The following ZFHX4 variants were observed in gnomAD, a reference collection of about 807,000 sequenced individuals.
ZFHX4 encodes the protein zinc finger homeobox 4.
ZFHX4 carries 56 observed loss-of-function variants against 267.6 expected under a neutral mutation model. The ratio of observed to expected loss-of-function variants is 0.21; its 90% confidence interval spans 0.17 to 0.26. The LOEUF (loss-of-function observed/expected upper bound fraction) is 0.26. Ranked by LOEUF, ZFHX4 falls within the 10% of genes least tolerant of loss-of-function variation. The pLI is 1.00. For synonymous variants in ZFHX4, 1,778 were observed against 1,665.6 expected (o/e 1.07, Z -1.64); for missense variants, 4,332 against 4,420.0 (o/e 0.98, Z 0.56).
At chr8:76,835,985 TCTC>T (rs1812082666) in intron 5 of ZFHX4, among the ~76,000 whole-genome samples, 1 of 152,244 alleles carries the variant, frequency 6.6e-6, no homozygotes, top group South Asian at 2.1e-4. Flanking sequence ...AACTACTTGT[TCTC>T]CTCTTTTCTC....
At chr8:76,702,760 T>G (rs1415745144) in intron 1 of ZFHX4, among the ~76,000 whole-genome samples, 1 of 152,190 alleles carries the variant, frequency 6.6e-6, no homozygotes, top group African/African-American at 2.4e-5. Flanking sequence ...ACTCTTCAAA[T>G]TTAAGATTTG....
chr8:76,718,088 A>G (rs1808626415), intron 3 of ZFHX4, among the ~76,000 whole-genome samples: 1 of 152,348 alleles, frequency 6.6e-6, no homozygotes, highest in African/African-American at 2.4e-5. Context: ...TCAATTTACA[A>G]GACATCTCCT....
intron 4 of ZFHX4, among the ~76,000 whole-genome samples, chr8:76,779,322 A>G (rs1303436721): frequency 6.6e-6 from 1 of 152,042 alleles, no homozygotes; most frequent in East Asian, 1.9e-4. Context: ...CAGGAGACAT[A>G]TTTACTCAGT....
intron 4 of ZFHX4, among the ~76,000 whole-genome samples, chr8:76,779,282 T>G (rs1199726807): frequency 1.3e-5 from 2 of 152,216 alleles, no homozygotes; most frequent in Admixed American, 6.5e-5. Context: ...TTCTTCCTTT[T>G]GGCAAACCTA....
chr8:76,690,174 T>G (rs1807788455), intron 1 of ZFHX4, among the ~76,000 whole-genome samples: 2 of 152,072 alleles, frequency 1.3e-5, no homozygotes, highest in Admixed American at 1.3e-4. Flanking sequence ...TTCATTGTGT[T>G]CTAGCTATAA....
chr8:76,713,894 A>G (rs1346304749), intron 3 of ZFHX4, among the ~76,000 whole-genome samples: 2 of 151,910 alleles, frequency 1.3e-5, no homozygotes, highest in East Asian at 1.9e-4. Flanking sequence ...CTGAACACAC[A>G]CACACACACA....
intron 3 of ZFHX4, among the ~76,000 whole-genome samples, chr8:76,777,864 T>TTG (rs1554562349): frequency 7.3e-5 from 11 of 151,558 alleles, no homozygotes; most frequent in African/African-American, 2.4e-4. Context: ...TTGTTTTTTT[T>TTG]TTTGTTTGTT....
intron 1 of ZFHX4, among the ~76,000 whole-genome samples, chr8:76,697,726 A>G (rs146872338): frequency 6.0e-4 from 92 of 152,226 alleles, no homozygotes; most frequent in African/African-American, 2.2e-3. Flanking sequence ...TGTAATTTAC[A>G]CAACCTTTCC....
Position 76,704,228 on chromosome 8 carries a change from C to A in ZFHX4, c.140C>A (p.Thr47Lys), listed in dbSNP as rs764773614. 2 of 1,614,016 alleles carry A rather than the reference C, an allele frequency of 1.2e-6. No homozygotes were observed. The highest frequency in any genetic ancestry group is 3.3e-5 in the Admixed American group (2 of 60,024). ...GAGCCTGACAGGGAAAACAGCTCCA[C>A]AGATGACAACCTGAAAACGGATGAG... Reference protein sequence around the residue: ...GMEPDRENSSTDDNLKTDERK... With the variant: ...GMEPDRENSSKDDNLKTDERK... The change falls in exon 2 of 11, where the codon ACA (threonine) becomes AAA (lysine). Residue 47 changes from threonine (T) to lysine (K), a missense_variant. By Grantham distance (78) the Thr-to-Lys change is moderately conservative. Around this residue, in one of 7 missense-constraint regions of ZFHX4, gnomAD observed 1,195 missense variants for 1,173.6 expected, o/e 1.02. Coordinates refer to ENST00000651372, the MANE Select transcript of ZFHX4 (RefSeq NM_024721.5).
At chr8:76,714,488 G>A (rs779241278) in intron 3 of ZFHX4, among the ~76,000 whole-genome samples, 6 of 152,146 alleles carry the variant, frequency 3.9e-5, no homozygotes, top group South Asian at 4.1e-4. Context: ...CCAGGAGAGC[G>A]TATGGGAGGA....
chr8:76,857,536 G>A (rs912075286), intron 10 of ZFHX4, among the ~76,000 whole-genome samples: 1 of 151,974 alleles, frequency 6.6e-6, no homozygotes, highest in Non-Finnish European at 1.5e-5. Context: ...AGTTTGGGAG[G>A]TGTGAAAACA....
intron 3 of ZFHX4, among the ~76,000 whole-genome samples, chr8:76,729,488 A>G (rs1808941652): frequency 6.6e-6 from 1 of 152,142 alleles, no homozygotes; most frequent in South Asian, 2.1e-4. Flanking sequence ...CAAAATATCT[A>G]ATTTTCATGG....
At position 76,744,083 on chromosome 8, in the gene ZFHX4, C is replaced by T. The variant is rs181881865; in HGVS notation, c.3094-34125C>T. Reference sequence around the variant, plus strand: ...ATGATATGCTGGGCACAGTGGCTCACGCCTGTAATCCCAGCACTTTGAGAG... The same window carrying T: ...ATGATATGCTGGGCACAGTGGCTCATGCCTGTAATCCCAGCACTTTGAGAG... On this transcript the variant is annotated intron_variant, in intron 3 of 10. Transcript: ENST00000651372. 6.8e-3 allele frequency among the ~76,000 whole-genome samples: 1,039 copies of T among 152,212 alleles called. 7 individuals carry two copies. Among genetic ancestry groups the T allele is most frequent in the Non-Finnish European group, 0.012 (819 of 68,006 alleles).
chr8:76,753,569 T>C (rs773304456), intron 3 of ZFHX4, among the ~76,000 whole-genome samples: 1 of 151,884 alleles, frequency 6.6e-6, no homozygotes, highest in Non-Finnish European at 1.5e-5. Flanking sequence ...TTTGTTTCTC[T>C]GTAGGTCTCT....
At chr8:76,782,027 A>G in intron 4 of ZFHX4, 1 of 308,894 alleles carries the variant, frequency 3.2e-6, no homozygotes, top group Non-Finnish European at 6.5e-6. Flanking sequence ...TTTCCATGGA[A>G]TTTCCATTTT....
intron 4 of ZFHX4, among the ~76,000 whole-genome samples, chr8:76,792,667 G>T (rs1411357779): frequency 6.6e-6 from 1 of 152,164 alleles, no homozygotes; most frequent in African/African-American, 2.4e-5. Context: ...GCCTGATGCA[G>T]ATTTCTTCTT....
chr8:76,706,758 G>A, intron 2 of ZFHX4, 80 bp downstream of exon 2: 4 of 1,404,830 alleles, frequency 2.8e-6, no homozygotes, highest in Non-Finnish European at 3.8e-6. Flanking sequence ...AGATAAAATG[G>A]TGAGTGCCAA....
rs200343182 is a variant in ZFHX4 at position 76,752,504 on chromosome 8, A to G, written c.3094-25704A>G. ...CAAAAATCCAAAAAAAAAAAAAAAA[A>G]AAAAAGAAAAAAGAACTTTAGCTGG... On this transcript the variant is annotated intron_variant, in intron 3 of 10. Coordinates refer to ENST00000651372, the MANE Select transcript of ZFHX4 (RefSeq NM_024721.5). 0.024 allele frequency among the ~76,000 whole-genome samples: 3,602 copies of G among 149,592 alleles called. 232 individuals are homozygous for G. In the East Asian group the frequency reaches 0.26, roughly 11 times the overall value.
intron 3 of ZFHX4, among the ~76,000 whole-genome samples, chr8:76,752,485 T>TA (rs1491274327): frequency 0.27 from 6,482 of 23,820 alleles, 507 homozygotes; most frequent in Non-Finnish European, 0.38. Flanking sequence ...CTACCAAAAA[T>TA]CCAAAAAAAA....
Sources: gnomAD v4.1 joint callset for allele counts (sites outside exome capture counted in the v4.1 genomes callset) on GRCh38, gnomAD v4.1.1 for gene constraint, gnomAD v4.1.1 regional missense constraint, MANE v1.5 for transcripts, NCBI Gene and HGNC (gene_info 2026-07-23, HGNC 2026-07-21) for gene names.